The following XPO5 variants were observed in gnomAD, a reference collection of about 807,000 sequenced individuals.
XPO5 encodes exportin 5.
A neutral mutation model predicts 160.6 loss-of-function variants in XPO5; 46 were observed. The observed-to-expected ratio is 0.29, with a 90% CI of 0.23 to 0.37. The LOEUF (loss-of-function observed/expected upper bound fraction) is 0.37, where lower values mean the gene tolerates loss of function less well. Ranked by LOEUF, XPO5 falls within the 10% of genes least tolerant of loss-of-function variation. The pLI is 1.00. For missense variants in XPO5, 1,090 were observed against 1,463.9 expected, an observed-to-expected ratio of 0.74 and a Z score of 4.17; for synonymous variants, 537 against 519.3, an observed-to-expected ratio of 1.03 and a Z score of -0.46.
chr6:43,524,422 C>T, intron 31 of XPO5, 49 bp downstream of exon 31: 1 of 1,586,956 alleles, frequency 6.3e-7, no homozygotes, highest in African/African-American at 1.4e-5. Context: ...TGCCCATACA[C>T]ATGATTTAAG....
Position 43,548,445 on chromosome 6 carries a change from G to T in XPO5, c.1876C>A (p.Leu626Ile). Residue 626 changes from leucine (L) to isoleucine (I), a missense_variant, in exon 18 of 32, where the codon CTT becomes ATT. By Grantham distance (5) the Leu-to-Ile change is conservative (BLOSUM62 2). Coordinates refer to ENST00000265351, the MANE Select transcript of XPO5 (RefSeq NM_020750.3). ...AGGAGTTGCTTCACATGGTTATAAAGCATGTCAAAATTGGGCTACAGATCA... is the reference window on the plus strand; with the variant it reads ...AGGAGTTGCTTCACATGGTTATAAATCATGTCAAAATTGGGCTACAGATCA... ...PQLVLPNFDM[L>I]YNHVKQLLSN... 1 of 1,572,872 alleles carries T rather than the reference G, an allele frequency of 6.4e-7. No homozygotes were observed.
chr6:43,539,633 C>A, intron 20 of XPO5: 1 of 1,336,826 alleles, frequency 7.5e-7, no homozygotes, highest in Non-Finnish European at 1.0e-6. Flanking sequence ...TCTGCGGAAG[C>A]CACCGCGGTT....
chr6:43,533,653 A>G (rs1561867579), intron 21 of XPO5: 1 of 269,956 alleles, frequency 3.7e-6, no homozygotes, highest in Non-Finnish European at 7.4e-6. Context: ...CCTGGGCAAC[A>G]TAGCAAGACT....
intron 3 of XPO5, among the ~76,000 whole-genome samples, chr6:43,571,598 G>A (rs1294168952): frequency 6.6e-6 from 1 of 152,156 alleles, no homozygotes; most frequent in African/African-American, 2.4e-5. Flanking sequence ...CCAGGGGTTT[G>A]AGACCAGACT....
Position 43,528,884 on chromosome 6 carries a change from G to A in XPO5, c.2719C>T (p.His907Tyr), listed in dbSNP as rs1260603625. The A allele has an allele frequency of 6.2e-7, 1 of 1,613,852 alleles. No individual in the cohort carries two copies. Among genetic ancestry groups the A allele is most frequent in the Admixed American group, 1.7e-5 (1 of 60,012 alleles). The change falls in exon 24 of 32, where the codon CAC becomes TAC. Residue 907 changes from histidine to tyrosine, a missense_variant. By Grantham distance (83) the His-to-Tyr change is moderately conservative (BLOSUM62 2). Coordinates refer to ENST00000265351, the MANE Select transcript of XPO5 (RefSeq NM_020750.3). ...ATGGGGGATACCAGGGCTTCATAGT[G>A]CTCTGGGGGACAGAAGAGCACCAGA... ...KPLVLFCPPE[H>Y]YEALVSPILG...
At position 43,522,835 on chromosome 6, in the gene XPO5, C is replaced by A; in HGVS notation, c.*1033G>T. The A allele has an allele frequency of 3.3e-6, 1 of 303,984 alleles. No individual in the cohort carries two copies. The highest frequency in any genetic ancestry group is 7.6e-6 in the Non-Finnish European group (1 of 131,506). The allele number at this position is 303,984 out of a possible 1,614,324, so 18.8% of individuals were successfully genotyped here. A position where few individuals can be genotyped will look rare whatever the true frequency, so the allele number is the denominator to read the frequency against. ...ATAACCTCAGGGCCAGGTCCCGTAT[C>A]CATGTCCTCTCTTTACAGGGCCTTT... is the stretch of plus-strand genomic sequence containing the variant. On this transcript the variant is annotated 3_prime_UTR_variant, in exon 32 of 32. Coordinates refer to ENST00000265351, the MANE Select transcript of XPO5 (RefSeq NM_020750.3).
At chr6:43,571,787 AAC>A (rs1375957917) in intron 3 of XPO5, among the ~76,000 whole-genome samples, 8 of 152,260 alleles carry the variant, frequency 5.3e-5, no homozygotes, top group Middle Eastern at 3.4e-3. Flanking sequence ...CAGCCGGAGC[AAC>A]AGAGACTCTG....
intron 5 of XPO5, among the ~76,000 whole-genome samples, chr6:43,570,002 TC>T (rs1328489964): frequency 2.3e-5 from 3 of 130,130 alleles, no homozygotes; most frequent in Admixed American, 7.5e-5. Context: ...GAGATCCCTA[TC>T]TTTTTTTTTT....
At position 43,523,938 on chromosome 6, in the gene XPO5, G is replaced by T. The variant is rs1432998574; in HGVS notation, c.3545C>A (p.Thr1182Lys). 45 of 1,614,000 alleles carry T rather than the reference G, an allele frequency of 2.8e-5. No individual in the cohort carries two copies. The highest frequency in any genetic ancestry group is 3.6e-5 in the Non-Finnish European group (42 of 1,179,888). Residue 1182 changes from threonine to lysine, a missense_variant, in exon 32 of 32, where the codon ACA becomes AAA. Coordinates refer to ENST00000265351, the MANE Select transcript of XPO5 (RefSeq NM_020750.3). ...IKNLPSLFKK[T>K]KPMLETEVLD... is the part of the protein sequence containing the mutation. ...CACCTCCGTCTCCAGCATTGGCTTT[G>T]TTTTTTTGAAAAGTGAGGGAAGATT...
chr6:43,575,506 C>A (rs575574879), intron 1 of XPO5, among the ~76,000 whole-genome samples: 1 of 152,266 alleles, frequency 6.6e-6, no homozygotes, highest in South Asian at 2.1e-4. Context: ...GAGGAGAGGG[C>A]TGTGGGAAGC....
chr6:43,546,659 C>T lies in XPO5; in HGVS notation c.2254G>A (p.Gly752Ser). ...ATTGGATTTCCACTGGATGTATAACCCACCACAAATCCCCCAGCTTTGGCC... is the reference window on the plus strand; with the variant it reads ...ATTGGATTTCCACTGGATGTATAACTCACCACAAATCCCCCAGCTTTGGCC... ...EEAKAGGFVV[G>S]YTSSGNPIFR... Residue 752 changes from glycine to serine, a missense_variant, in exon 20 of 32, where the codon GGT (glycine) becomes AGT (serine). Gly to Ser is a moderately conservative substitution (Grantham distance 56, BLOSUM62 0). Coordinates refer to ENST00000265351, the MANE Select transcript of XPO5 (RefSeq NM_020750.3). The T allele has an allele frequency of 6.2e-7, 1 of 1,613,732 alleles. No individual in the cohort carries two copies. The highest frequency in any genetic ancestry group is 8.5e-7 in the Non-Finnish European group (1 of 1,179,826).
intron 19 of XPO5, 146 bp from the exon 20 acceptor site, chr6:43,546,898 T>TCC: frequency 1.2e-6 from 1 of 832,728 alleles, no homozygotes; most frequent in Non-Finnish European, 1.8e-6. Flanking sequence ...CAATCCCCCA[T>TCC]CCCTTCCTTT....
At chr6:43,565,291 G>C (rs1291038385) in intron 8 of XPO5, among the ~76,000 whole-genome samples, 2 of 152,084 alleles carry the variant, frequency 1.3e-5, no homozygotes, top group Non-Finnish European at 2.9e-5. Context: ...CTTCAGGTGG[G>C]CACAGGGGCT....
Position 43,528,810 on chromosome 6 carries a change from TC to T in XPO5, c.2775+17del. 6.2e-7 allele frequency: 1 copy of T among 1,610,956 alleles called. No homozygotes were observed. Among genetic ancestry groups the T allele is most frequent in the Non-Finnish European group, 8.5e-7 (1 of 1,177,826 alleles). On this transcript the variant is annotated intron_variant, in intron 24 of 31. Coordinates refer to ENST00000265351, the MANE Select transcript of XPO5 (RefSeq NM_020750.3). ...CTTAATAGTACTCTTTGCTTCCTGT[TC>T]CTGACTTATCTCTTACCATATGGAG... is the stretch of plus-strand genomic sequence containing the variant.
rs369471517 is a variant in XPO5, at chr6:43,546,732, G to A, written c.2181C>T (p.Ser727=). The stretch of plus-strand genomic sequence containing the variant: ...AAGTTCGTTTCACCACACCCAGAAT[G>A]CTGTATACACAAAAGCTCATCTATA... ...NRARMSFCVY[S]ILGVVKRTCW... Residue 727 remains serine, a synonymous_variant, in exon 20 of 32, where the codon AGC becomes AGT. Transcript: ENST00000265351. 85 of 1,605,528 alleles carry A rather than the reference G, an allele frequency of 5.3e-5. No homozygotes were observed. Among genetic ancestry groups the A allele is most frequent in the Non-Finnish European group, 7.0e-5 (82 of 1,176,834 alleles).
chr6:43,541,753 T>G lies in XPO5; in HGVS notation c.2342+4818A>C, dbSNP rs117326207. Reference sequence around the variant, plus strand: ...GTGTAGTAATTATCAGTACTTCATTTTGTAAGTACTGTAGTAATCCAATAC... The same window carrying G: ...GTGTAGTAATTATCAGTACTTCATTGTGTAAGTACTGTAGTAATCCAATAC... On this transcript the variant is annotated intron_variant, in intron 20 of 31. Coordinates refer to ENST00000265351, the MANE Select transcript of XPO5 (RefSeq NM_020750.3). Among the ~76,000 whole-genome samples the G allele has an allele frequency of 9.8e-4, 150 of 152,364 alleles. 2 individuals are homozygous for G. In the East Asian group the frequency reaches 0.024, roughly 24 times the overall value.
intron 1 of XPO5, among the ~76,000 whole-genome samples, chr6:43,574,712 T>C (rs553298094): frequency 6.6e-6 from 1 of 152,244 alleles, no homozygotes; most frequent in South Asian, 2.1e-4. Flanking sequence ...GGAGAGAGGA[T>C]AGGCGGTGGA....
intron 8 of XPO5, among the ~76,000 whole-genome samples, chr6:43,563,743 A>G (rs772905573): frequency 1.3e-5 from 2 of 152,210 alleles, no homozygotes; most frequent in African/African-American, 4.8e-5. Context: ...AAGGTACAGT[A>G]AAAATATGGT....
chr6:43,553,613 G>T, intron 13 of XPO5, 110 bp from the exon 14 acceptor site: 2 of 1,443,794 alleles, frequency 1.4e-6, no homozygotes, highest in Non-Finnish European at 1.8e-6. Flanking sequence ...GAACACCTGA[G>T]AATTTCATGA....
Sources: allele counts gnomAD v4.1 joint callset (sites outside exome capture counted in the v4.1 genomes callset), GRCh38; gene constraint gnomAD v4.1.1; transcripts MANE v1.5; gene names NCBI Gene and HGNC (gene_info 2026-07-23, HGNC 2026-07-21).